The following PPA2 variants were observed in gnomAD, a reference collection of about 807,000 sequenced individuals.
PPA2 encodes inorganic pyrophosphatase 2, mitochondrial.
Under a neutral mutation model 49.5 loss-of-function variants are expected in PPA2, and 48 were observed. The ratio of observed to expected loss-of-function variants is 0.97; its 90% CI spans 0.77 to 1.23. The LOEUF (loss-of-function observed/expected upper bound fraction) is 1.23, where lower values mean the gene tolerates loss of function less well. Ranked by LOEUF, PPA2 falls within the 50% of genes most tolerant of loss-of-function variation. The probability of loss-of-function intolerance (pLI) is 0.00; values close to 1 mark genes in which losing one functional copy is unlikely to be tolerated. For missense variants in PPA2, 429 were observed against 410.1 expected, an observed-to-expected ratio of 1.05 and a Z score of -0.40; for synonymous variants, 131 against 139.9, an observed-to-expected ratio of 0.94 and a Z score of 0.45.
At chr4:105,370,773 C>A in intron 11 of PPA2, 64 bp downstream of exon 11, 1 of 1,309,304 alleles carries the variant, frequency 7.6e-7, no homozygotes, top group South Asian at 1.8e-5. Flanking sequence ...TAGTTTTTGG[C>A]TTCCACTACT....
intron 7 of PPA2, among the ~76,000 whole-genome samples, chr4:105,416,959 A>G (rs1327853888): frequency 6.6e-6 from 1 of 152,236 alleles, no homozygotes; most frequent in Non-Finnish European, 1.5e-5. Flanking sequence ...GACTATATGC[A>G]CTGTAGCAGA....
At chr4:105,392,445 C>T (rs1408082137) in intron 9 of PPA2, among the ~76,000 whole-genome samples, 1 of 151,572 alleles carries the variant, frequency 6.6e-6, no homozygotes, top group African/African-American at 2.4e-5. Flanking sequence ...GGCTGAGGTG[C>T]GTGGATCACC....
At chr4:105,389,333 C>T (rs1330892317) in intron 9 of PPA2, among the ~76,000 whole-genome samples, 2 of 151,436 alleles carry the variant, frequency 1.3e-5, no homozygotes, top group Non-Finnish European at 1.5e-5. Context: ...AACTTTTAAT[C>T]TTTAAGATTC....
At chr4:105,403,269 TCCTG>T (rs1420029089) in intron 7 of PPA2, among the ~76,000 whole-genome samples, 3 of 152,156 alleles carry the variant, frequency 2.0e-5, no homozygotes, top group Non-Finnish European at 2.9e-5. Flanking sequence ...GGTCTTGAAC[TCCTG>T]GGCTCCAGTG....
intron 6 of PPA2, among the ~76,000 whole-genome samples, chr4:105,437,083 G>A (rs1171890919): frequency 2.0e-5 from 3 of 151,842 alleles, no homozygotes; most frequent in African/African-American, 7.2e-5. Flanking sequence ...AAAGGACTAA[G>A]ACAACTCAAA....
chr4:105,405,685 G>C, intron 7 of PPA2: 3 of 927,026 alleles, frequency 3.2e-6, no homozygotes, highest in Non-Finnish European at 1.3e-6. Flanking sequence ...CACTAAATTC[G>C]TGTTTCAATG....
In PPA2 at chr4:105,399,085, A is replaced by G. The variant is rs1427549471; in HGVS notation, c.735T>C (p.Asp245=). The stretch of plus-strand genomic sequence containing the variant: ...AAGCAAACTGGTTTTCTGGTTTTCC[A>G]TCTGGTACCTTATATAATCTAAACC... The part of the protein sequence containing the change: ...LNWFRLYKVP[D]GKPENQFAFN... Residue 245 remains aspartate (D), a synonymous_variant, in exon 8 of 12, where the codon GAT becomes GAC. Coordinates refer to ENST00000341695, the MANE Select transcript of PPA2 (RefSeq NM_176869.3). The G allele has an allele frequency of 2.5e-6, 4 of 1,610,858 alleles. No homozygotes were observed. Among genetic ancestry groups the G allele is most frequent in the Non-Finnish European group, 3.4e-6 (4 of 1,179,188 alleles).
At chr4:105,380,728 CAT>C (rs1037632097) in intron 10 of PPA2, among the ~76,000 whole-genome samples, 5 of 151,842 alleles carry the variant, frequency 3.3e-5, no homozygotes, top group African/African-American at 1.2e-4. Context: ...AATGTAATAC[CAT>C]ATATGTTTGT....
intron 3 of PPA2, 55 bp downstream of exon 3, chr4:105,453,543 G>T: frequency 7.8e-7 from 1 of 1,289,106 alleles, no homozygotes; most frequent in Non-Finnish European, 1.1e-6. Context: ...TATCATCAAG[G>T]TATTTAACAG....
intron 10 of PPA2, among the ~76,000 whole-genome samples, chr4:105,382,051 A>C (rs1278015900): frequency 6.6e-6 from 1 of 151,966 alleles, no homozygotes; most frequent in Non-Finnish European, 1.5e-5. Flanking sequence ...CTCAAGAACT[A>C]TTTTTGCTGC....
At chr4:105,403,649 C>T (rs1027677738) in intron 7 of PPA2, among the ~76,000 whole-genome samples, 4 of 152,064 alleles carry the variant, frequency 2.6e-5, no homozygotes, top group African/African-American at 7.2e-5. Flanking sequence ...CCAGAGCTCT[C>T]ACTTCAATTT....
intron 7 of PPA2, among the ~76,000 whole-genome samples, chr4:105,404,416 A>G (rs1427999269): frequency 2.6e-5 from 4 of 152,166 alleles, no homozygotes; most frequent in African/African-American, 4.8e-5. Flanking sequence ...TTTCGGGTCC[A>G]AAAGAAAATC....
At chr4:105,430,218 C>G (rs2636738) in intron 6 of PPA2, among the ~76,000 whole-genome samples, 1 of 151,930 alleles carries the variant, frequency 6.6e-6, no homozygotes, top group African/African-American at 2.4e-5. Context: ...ACTAGAATTT[C>G]AAGTCATAAA....
intron 4 of PPA2, among the ~76,000 whole-genome samples, chr4:105,448,733 C>T (rs1343335783): frequency 1.3e-5 from 2 of 152,002 alleles, no homozygotes; most frequent in Non-Finnish European, 2.9e-5. Flanking sequence ...ATAAAAGTTT[C>T]AGTTCCATCT....
chr4:105,430,575 T>C (rs1723751880), intron 6 of PPA2, among the ~76,000 whole-genome samples: 1 of 152,344 alleles, frequency 6.6e-6, no homozygotes, highest in East Asian at 1.9e-4. Context: ...TCATTTCTCA[T>C]AGCTGTGCCT....
chr4:105,409,765 G>A (rs1242162960), intron 7 of PPA2, among the ~76,000 whole-genome samples: 1 of 152,228 alleles, frequency 6.6e-6, no homozygotes, highest in African/African-American at 2.4e-5. Flanking sequence ...GTGATACCCA[G>A]GCGAATAGGG....
chr4:105,470,356 C>T (rs1051420028), intron 1 of PPA2, among the ~76,000 whole-genome samples: 6 of 152,206 alleles, frequency 3.9e-5, no homozygotes, highest in African/African-American at 1.4e-4. Context: ...CACAGTGGTG[C>T]ATGCCTGTAG....
rs530414968 is a variant in PPA2 at position 105,406,185 on chromosome 4, GAT to G, written c.656-7023_656-7022del. 1.6e-3 allele frequency among the ~76,000 whole-genome samples: 231 copies of G among 148,004 alleles called. 2 individuals are homozygous for G. Among genetic ancestry groups the G allele is most frequent in the Admixed American group, 0.014 (208 of 14,708 alleles). ...CAGGTAGATTTAACAGCAGAACGTG[GAT>G]ATGGCAGGAAAAAAACAAAAAAACA... On this transcript the variant is annotated intron_variant, in intron 7 of 11. Transcript: ENST00000341695.
chr4:105,371,892 GC>G (rs1414186781), intron 10 of PPA2, among the ~76,000 whole-genome samples: 4 of 152,070 alleles, frequency 2.6e-5, no homozygotes, highest in Non-Finnish European at 5.9e-5. Context: ...AGGAAAAGAG[GC>G]CCTCATCCTG....
Sources: gnomAD v4.1 joint callset for allele counts (sites outside exome capture counted in the v4.1 genomes callset) on GRCh38, gnomAD v4.1.1 for gene constraint, MANE v1.5 for transcripts, NCBI Gene and HGNC (gene_info 2026-07-23, HGNC 2026-07-21) for gene names.